Variants in LARGE1 observed in about 807,000 individuals in gnomAD.
The protein encoded by LARGE1 is LARGE xylosyl- and glucuronyltransferase 1, also known as xylosyl- and glucuronyltransferase LARGE1.
A neutral mutation model predicts 87.6 loss-of-function variants in LARGE1; 43 were observed. The ratio of observed to expected loss-of-function variants is 0.49; its 90% CI spans 0.38 to 0.63. LARGE1 has a LOEUF of 0.63. LARGE1 is among the 30% of genes least tolerant of loss of function. The probability of loss-of-function intolerance (pLI) is 0.00; values close to 1 mark genes in which losing one functional copy is unlikely to be tolerated. For missense variants in LARGE1, 802 were observed against 1,000.2 expected, an observed-to-expected ratio of 0.80 and a Z score of 2.67; for synonymous variants, 434 against 394.6, an observed-to-expected ratio of 1.10 and a Z score of -1.18.
At chr22:33,440,522 C>T (rs187223613) in intron 6 of LARGE1, among the ~76,000 whole-genome samples, 4 of 152,266 alleles carry the variant, frequency 2.6e-5, no homozygotes, top group Non-Finnish European at 2.9e-5. Context: ...AGCAGAGAAC[C>T]TAATAGTGCT....
chr22:33,503,531 A>G (rs1209535569), intron 6 of LARGE1, among the ~76,000 whole-genome samples: 1 of 152,156 alleles, frequency 6.6e-6, no homozygotes, highest in African/African-American at 2.4e-5. Context: ...TGTTTATAGC[A>G]GCATTATTCA....
intron 1 of LARGE1, among the ~76,000 whole-genome samples, chr22:33,767,777 C>A (rs1367814835): frequency 1.3e-5 from 2 of 152,140 alleles, no homozygotes; most frequent in Non-Finnish European, 2.9e-5. Context: ...CACATACACA[C>A]AAACACACAC....
chr22:33,373,823 A>C (rs1014959444), intron 9 of LARGE1, among the ~76,000 whole-genome samples: 2 of 151,946 alleles, frequency 1.3e-5, no homozygotes, highest in African/African-American at 4.8e-5. Context: ...AAATACAACA[A>C]ATTAGCCACG....
Position 33,266,817 on chromosome 22 carries a change from C to T in LARGE1, c.1730+37412G>A, listed in dbSNP as rs141354346. 4.2e-4 allele frequency among the ~76,000 whole-genome samples: 64 copies of T among 151,340 alleles called. No individual in the cohort carries two copies. In the East Asian group the frequency reaches 0.011, roughly 26 times the overall value. On this transcript the variant is annotated intron_variant, in intron 11 of 11. Transcript: ENST00000608642. ...GCTCCCTGTCCTTATACCTCACATT[C>T]ATTTCACTCCCATTCAGGAAGCTGT...
At chr22:33,356,568 T>C (rs1165920953) in intron 9 of LARGE1, among the ~76,000 whole-genome samples, 1 of 152,094 alleles carries the variant, frequency 6.6e-6, no homozygotes, top group Non-Finnish European at 1.5e-5. Flanking sequence ...AGTCAGGAGT[T>C]TGACGCCAGC....
chr22:33,712,223 A>G (rs2082752361), intron 2 of LARGE1, among the ~76,000 whole-genome samples: 1 of 152,128 alleles, frequency 6.6e-6, no homozygotes. Context: ...TGGGGGAAAA[A>G]AAAAGGGCAA....
intron 6 of LARGE1, among the ~76,000 whole-genome samples, chr22:33,433,860 T>A (rs1310893122): frequency 6.6e-6 from 1 of 152,226 alleles, no homozygotes; most frequent in Non-Finnish European, 1.5e-5. Context: ...CTTGGTATGA[T>A]GACAGCTCCC....
intron 1 of LARGE1, among the ~76,000 whole-genome samples, chr22:33,841,097 G>A (rs1282035225): frequency 1.3e-5 from 2 of 152,222 alleles, no homozygotes; most frequent in Non-Finnish European, 2.9e-5. Context: ...TTTAAGGCAG[G>A]CTAAGCTAAA....
chr22:33,547,964 T>A (rs890124799), intron 6 of LARGE1, among the ~76,000 whole-genome samples: 1 of 151,964 alleles, frequency 6.6e-6, no homozygotes, highest in Admixed American at 6.6e-5. Context: ...ATAAAGAAAA[T>A]AAAGAGTCCA....
At chr22:33,137,696 G>A in the LARGE1 span, among the ~76,000 whole-genome samples, 2 of 152,038 alleles carry the variant, frequency 1.3e-5, no homozygotes, top group Non-Finnish European at 2.9e-5. Context: ...GCTGTGTGCA[G>A]CCTAGAGACT....
chr22:33,479,868 T>C (rs1243846436), intron 6 of LARGE1, among the ~76,000 whole-genome samples: 1 of 151,828 alleles, frequency 6.6e-6, no homozygotes, highest in African/African-American at 2.4e-5. Context: ...CCTCAGTCTC[T>C]CGAGTATCTG....
At chr22:33,128,362 C>G in the LARGE1 span, among the ~76,000 whole-genome samples, 2 of 152,178 alleles carry the variant, frequency 1.3e-5, no homozygotes, top group Non-Finnish European at 2.9e-5. Context: ...AAATGCTCAT[C>G]AGTGATAGAC....
the LARGE1 span, among the ~76,000 whole-genome samples, chr22:33,150,035 A>C: frequency 6.6e-6 from 1 of 152,226 alleles, no homozygotes; most frequent in Admixed American, 6.5e-5. Context: ...TTTTAAAAAT[A>C]AAAGTAGAAA....
intron 5 of LARGE1, among the ~76,000 whole-genome samples, chr22:33,578,665 G>C (rs569802803): frequency 6.6e-6 from 1 of 152,278 alleles, no homozygotes; most frequent in South Asian, 2.1e-4. Context: ...AATTATAGGA[G>C]CTGGGATTAA....
chr22:33,206,754 C>G (rs547967840), intron 11 of LARGE1, among the ~76,000 whole-genome samples: 2 of 152,310 alleles, frequency 1.3e-5, no homozygotes, highest in East Asian at 3.9e-4. Flanking sequence ...GTGTGAAACT[C>G]TCATAAATAG....
chr22:33,646,878 C>T lies in LARGE1; in HGVS notation c.408+3489G>A, dbSNP rs1225230193. Reference sequence around the variant, plus strand: ...AAGTAGCTGGGATTTCAGGCACCCTCCACCACGCCCAGCTATTTTTTTGTA... The same window carrying T: ...AAGTAGCTGGGATTTCAGGCACCCTTCACCACGCCCAGCTATTTTTTTGTA... On this transcript the variant is annotated intron_variant, in intron 3 of 14. Transcript: ENST00000397394. Among the ~76,000 whole-genome samples the T allele has an allele frequency of 3.3e-5, 5 of 152,340 alleles. No homozygotes were observed. The East Asian group carries it at 9.7e-4, about 29-fold the overall frequency.
At chr22:33,597,463 T>G (rs1383702578) in intron 5 of LARGE1, among the ~76,000 whole-genome samples, 1 of 152,110 alleles carries the variant, frequency 6.6e-6, no homozygotes, top group Non-Finnish European at 1.5e-5. Context: ...ACAATGAGTC[T>G]GCCTCCTAAA....
At chr22:33,572,137 T>C in intron 5 of LARGE1, 2 of 1,062,222 alleles carry the variant, frequency 1.9e-6, no homozygotes, top group Non-Finnish European at 2.6e-6. Flanking sequence ...TCAAAATAGA[T>C]TGCTTACCCA....
chr22:33,889,460 G>A (rs528717274), intron 1 of LARGE1, among the ~76,000 whole-genome samples: 15 of 152,302 alleles, frequency 9.8e-5, no homozygotes, highest in African/African-American at 3.6e-4. Flanking sequence ...ATACGTATCT[G>A]GAAATTTTGT....
Sources: allele counts gnomAD v4.1 joint callset (sites outside exome capture counted in the v4.1 genomes callset), GRCh38; gene constraint gnomAD v4.1.1; transcripts MANE v1.5; gene names NCBI Gene and HGNC (gene_info 2026-07-23, HGNC 2026-07-21).